The following ZBTB20 variants were observed in gnomAD, a reference collection of about 807,000 sequenced individuals.
ZBTB20 encodes zinc finger and BTB domain-containing protein 20.
ZBTB20 carries 9 observed loss-of-function variants against 56.9 expected under a neutral mutation model. That is an observed-to-expected ratio of 0.16 (90% CI 0.10 to 0.28). The LOEUF (loss-of-function observed/expected upper bound fraction) is 0.28, where lower values mean the gene tolerates loss of function less well. Ranked by LOEUF, ZBTB20 falls within the 10% of genes least tolerant of loss-of-function variation. The probability of loss-of-function intolerance (pLI) is 1.00; values close to 1 mark genes in which losing one functional copy is unlikely to be tolerated. For synonymous variants in ZBTB20, 417 were observed against 420.7 expected (o/e 0.99, Z 0.11); for missense variants, 655 against 1,003.0 (o/e 0.65, Z 4.69).
chr3:114,476,671 T>C (rs1369504301), intron 7 of ZBTB20, among the ~76,000 whole-genome samples: 1 of 152,190 alleles, frequency 6.6e-6, no homozygotes, highest in Non-Finnish European at 1.5e-5. Flanking sequence ...GTGGTGGCAT[T>C]CATTCATTCA....
intron 2 of ZBTB20, among the ~76,000 whole-genome samples, chr3:115,025,408 T>A (rs113541019): frequency 6.6e-6 from 1 of 151,342 alleles, no homozygotes; most frequent in African/African-American, 2.4e-5. Context: ...GCAATGAACA[T>A]ACACATGCAT....
intron 4 of ZBTB20, among the ~76,000 whole-genome samples, chr3:114,814,022 A>G (rs974970814): frequency 2.0e-5 from 3 of 151,908 alleles, no homozygotes; most frequent in Non-Finnish European, 4.4e-5. Context: ...TGATATTTAC[A>G]TTATAATACA....
intron 6 of ZBTB20, among the ~76,000 whole-genome samples, chr3:114,671,172 G>T (rs930347363): frequency 6.6e-6 from 1 of 152,084 alleles, no homozygotes; most frequent in Non-Finnish European, 1.5e-5. Context: ...CGCATTTAAA[G>T]TAGGGTATTA....
At chr3:114,749,082 T>C (rs16823186) in intron 5 of ZBTB20, among the ~76,000 whole-genome samples, 22,615 of 152,108 alleles carry the variant, frequency 0.15, 2,015 homozygotes, top group African/African-American at 0.26. Flanking sequence ...GCCACACATA[T>C]TAAGTTGTAG....
intron 8 of ZBTB20, among the ~76,000 whole-genome samples, chr3:114,382,723 A>G (rs1183976446): frequency 6.6e-6 from 1 of 152,002 alleles, no homozygotes; most frequent in Non-Finnish European, 1.5e-5. Flanking sequence ...AATAATGGCT[A>G]TTTATGTGCA....
intron 4 of ZBTB20, among the ~76,000 whole-genome samples, chr3:114,816,556 T>G (rs993481115): frequency 6.6e-6 from 1 of 152,154 alleles, no homozygotes; most frequent in Non-Finnish European, 1.5e-5. Context: ...ATTTTAAGAC[T>G]AAACCTTAGA....
intron 4 of ZBTB20, among the ~76,000 whole-genome samples, chr3:114,844,548 A>AAAAAAAAC (rs2074585111): frequency 7.1e-6 from 1 of 141,264 alleles, no homozygotes; most frequent in East Asian, 2.0e-4. Flanking sequence ...AAAAAAAAAA[A>AAAAAAAAC]AAAACTTTCA....
In ZBTB20 at chr3:114,720,190, G is replaced by C. The variant is rs142016004; in HGVS notation, c.-342-26615C>G. ...TTTTGATATTTTTCTTATACATCTA[G>C]TACATGAATACATGCTTATTGGAAA... On this transcript the variant is annotated intron_variant, in intron 5 of 11. Transcript: ENST00000675478. Among the ~76,000 whole-genome samples, 534 of 148,946 alleles carry C rather than the reference G, an allele frequency of 3.6e-3. 4 individuals are homozygous for C. The highest frequency in any genetic ancestry group is 0.012 in the African/African-American group (502 of 40,906).
chr3:114,951,939 A>G (rs1183955802), intron 3 of ZBTB20, among the ~76,000 whole-genome samples: 2 of 152,124 alleles, frequency 1.3e-5, no homozygotes, highest in Admixed American at 1.3e-4. Flanking sequence ...AAAAAATACA[A>G]CAAAATATCA....
chr3:114,576,054 T>A (rs1358986220), intron 6 of ZBTB20, among the ~76,000 whole-genome samples: 1 of 152,218 alleles, frequency 6.6e-6, no homozygotes, highest in Non-Finnish European at 1.5e-5. Context: ...TGTGCATGTG[T>A]GTAACCAAAC....
intron 11 of ZBTB20, among the ~76,000 whole-genome samples, chr3:114,349,793 A>C (rs918166872): frequency 1.3e-5 from 2 of 152,200 alleles, no homozygotes; most frequent in Non-Finnish European, 2.9e-5. Flanking sequence ...TCAAAACAGC[A>C]CTATAAGGAA....
chr3:114,895,001 C>T (rs2074813794), intron 4 of ZBTB20, among the ~76,000 whole-genome samples: 1 of 151,990 alleles, frequency 6.6e-6, no homozygotes. Flanking sequence ...TTAAAAGAAT[C>T]CTTTTCTGAT....
chr3:115,066,995 TG>T (rs1354994397), intron 2 of ZBTB20, among the ~76,000 whole-genome samples: 1 of 152,108 alleles, frequency 6.6e-6, no homozygotes, highest in East Asian at 1.9e-4. Context: ...TTAAATATGT[TG>T]GTAGTACATT....
chr3:114,546,721 T>C (rs914817222), intron 6 of ZBTB20, among the ~76,000 whole-genome samples: 6 of 152,190 alleles, frequency 3.9e-5, no homozygotes, highest in Admixed American at 3.3e-4. Flanking sequence ...TGAAGATGTT[T>C]ATAATTCTTG....
rs1474884503 is a variant in ZBTB20, at chr3:114,674,561, C to A, written c.-295+18967G>T. Among the ~76,000 whole-genome samples, 8 of 152,112 alleles carry A rather than the reference C, an allele frequency of 5.3e-5. No individual in the cohort carries two copies. In the East Asian group the frequency reaches 1.6e-3, roughly 30 times the overall value. ...CTCAAAGATTTCCATTTAGTAGAAA[C>A]ACATGTAAACTACAATGAAGGAGTA... On this transcript the variant is annotated intron_variant, in intron 6 of 11. Transcript: ENST00000675478.
At chr3:114,646,695 T>C (rs1280312573) in intron 6 of ZBTB20, among the ~76,000 whole-genome samples, 4 of 152,202 alleles carry the variant, frequency 2.6e-5, no homozygotes, top group African/African-American at 9.7e-5. Context: ...AAAAGCCCTA[T>C]TTTGTTTAGT....
At chr3:115,077,013 C>T (rs567553311) in intron 1 of ZBTB20, among the ~76,000 whole-genome samples, 52 of 152,272 alleles carry the variant, frequency 3.4e-4, no homozygotes, top group African/African-American at 1.1e-3. Flanking sequence ...AGAGCTCAGG[C>T]GGTAATGCTC....
chr3:114,546,889 G>A (rs891219936), intron 6 of ZBTB20, among the ~76,000 whole-genome samples: 6 of 152,164 alleles, frequency 3.9e-5, no homozygotes, highest in Admixed American at 3.9e-4. Flanking sequence ...ATTTTCCAAG[G>A]TGAGAGAGAA....
intron 4 of ZBTB20, among the ~76,000 whole-genome samples, chr3:114,803,955 A>C (rs2071908740): frequency 6.6e-6 from 1 of 151,916 alleles, no homozygotes; most frequent in Admixed American, 6.6e-5. Context: ...ATTGACCACC[A>C]GTGTCAGACT....
Sources: gnomAD v4.1 joint callset for allele counts (sites outside exome capture counted in the v4.1 genomes callset) on GRCh38, gnomAD v4.1.1 for gene constraint, MANE v1.5 for transcripts, NCBI Gene and HGNC (gene_info 2026-07-23, HGNC 2026-07-21) for gene names.